Variants in LRRC63 observed in about 807,000 individuals in gnomAD.
LRRC63 encodes leucine rich repeat containing 63, also known as leucine-rich repeat-containing protein 63.
In LRRC63, 40 loss-of-function variants were observed where a neutral mutation model predicts 49.5. That is an observed-to-expected ratio of 0.81 (90% confidence interval 0.63 to 1.05). The LOEUF is 1.05. Ranked by LOEUF, LRRC63 falls within the 50% of genes least tolerant of loss-of-function variation. The pLI, the probability that LRRC63 is intolerant of heterozygous loss-of-function variation, is 0.00. For synonymous variants in LRRC63, 191 were observed against 221.1 expected (o/e 0.86, Z 1.21); for missense variants, 636 against 663.1 (o/e 0.96, Z 0.45).
At chr13:46,214,437 C>T (rs1446167305) in intron 2 of LRRC63, among the ~76,000 whole-genome samples, 1 of 152,078 alleles carries the variant, frequency 6.6e-6, no homozygotes. Flanking sequence ...ATTTACAGCT[C>T]AAGGTTACCA....
intron 7 of LRRC63, among the ~76,000 whole-genome samples, chr13:46,251,745 A>G (rs547112496): frequency 2.6e-4 from 39 of 152,028 alleles, no homozygotes; most frequent in Admixed American, 9.8e-4. Flanking sequence ...ATATATGTAT[A>G]AATATATATG....
chr13:46,265,737 T>C (rs2047676272), intron 8 of LRRC63, among the ~76,000 whole-genome samples: 1 of 152,156 alleles, frequency 6.6e-6, no homozygotes, highest in African/African-American at 2.4e-5. Flanking sequence ...CCTAGGCTTG[T>C]GATTTGCGCA....
At chr13:46,223,765 A>G (rs2046485578) in intron 2 of LRRC63, among the ~76,000 whole-genome samples, 1 of 152,282 alleles carries the variant, frequency 6.6e-6, no homozygotes, top group Non-Finnish European at 1.5e-5. Context: ...CTGAGGCAGG[A>G]GAATCGCTTG....
intron 7 of LRRC63, among the ~76,000 whole-genome samples, chr13:46,259,774 A>G (rs1007930522): frequency 3.3e-5 from 5 of 152,162 alleles, no homozygotes; most frequent in African/African-American, 4.8e-5. Flanking sequence ...AAACAATCCT[A>G]CACTGGTATG....
chr13:46,266,942 T>G, exon 9 of LRRC63: 1 of 1,545,312 alleles, frequency 6.5e-7, no homozygotes, highest in South Asian at 1.2e-5. Context: ...TATGATAAGA[T>G]CCCAGTAGAA....
At chr13:46,237,448 T>G (rs751227329) in intron 5 of LRRC63, among the ~76,000 whole-genome samples, 1 of 152,132 alleles carries the variant, frequency 6.6e-6, no homozygotes, top group Non-Finnish European at 1.5e-5. Flanking sequence ...AAGTTGTTAA[T>G]GTTGGGGGAA....
chr13:46,259,421 G>A (rs9595451), intron 7 of LRRC63, among the ~76,000 whole-genome samples: 2,155 of 152,230 alleles, frequency 0.014, 55 homozygotes, highest in African/African-American at 0.05. Flanking sequence ...TTTTCTCAGT[G>A]GATAGCAGGA....
intron 2 of LRRC63, among the ~76,000 whole-genome samples, chr13:46,222,992 A>G (rs1484991023): frequency 2.1e-5 from 3 of 145,448 alleles, no homozygotes; most frequent in Non-Finnish European, 4.5e-5. Flanking sequence ...GTTCTCACTC[A>G]TAGGTGGTAA....
chr13:46,222,380 T>C (rs560153304), intron 2 of LRRC63, among the ~76,000 whole-genome samples: 22 of 152,328 alleles, frequency 1.4e-4, no homozygotes, highest in African/African-American at 5.3e-4. Flanking sequence ...TCTTATAGTA[T>C]TTTTATAGTT....
At chr13:46,220,089 C>T (rs2046361631) in intron 2 of LRRC63, among the ~76,000 whole-genome samples, 1 of 152,180 alleles carries the variant, frequency 6.6e-6, no homozygotes, top group Admixed American at 6.5e-5. Flanking sequence ...GGTCAGGGAC[C>T]CACTTGAGGA....
chr13:46,271,433 G>A (rs259729), intron 9 of LRRC63, among the ~76,000 whole-genome samples: 149,126 of 152,314 alleles, frequency 0.98, 73,027 homozygotes, highest in Middle Eastern at 1. Context: ...AGTGCAGATT[G>A]TATCTTCTGC....
At chr13:46,249,476 T>G (rs759854405) in intron 6 of LRRC63, among the ~76,000 whole-genome samples, 12 of 151,740 alleles carry the variant, frequency 7.9e-5, no homozygotes, top group Non-Finnish European at 5.9e-5. Flanking sequence ...TTAAAAAGAT[T>G]TAAAGAAAAT....
chr13:46,269,836 ATATATC>A (rs1337590184), intron 9 of LRRC63, among the ~76,000 whole-genome samples: 1 of 147,926 alleles, frequency 6.8e-6, no homozygotes, highest in African/African-American at 2.5e-5. Flanking sequence ...TATATATACT[ATATATC>A]TATATATCTA....
chr13:46,273,895 G>C (rs2047794871), intron 9 of LRRC63, among the ~76,000 whole-genome samples: 1 of 140,530 alleles, frequency 7.1e-6, no homozygotes, highest in Non-Finnish European at 1.5e-5. Flanking sequence ...CTGGGTGACA[G>C]AGCAAGACTC....
At chr13:46,237,051 A>G (rs1460956454) in intron 5 of LRRC63, among the ~76,000 whole-genome samples, 1 of 152,192 alleles carries the variant, frequency 6.6e-6, no homozygotes, top group Non-Finnish European at 1.5e-5. Context: ...ATATTAAAAC[A>G]TACACAAAAG....
intron 2 of LRRC63, among the ~76,000 whole-genome samples, chr13:46,216,568 G>C (rs1230321314): frequency 1.3e-5 from 2 of 152,116 alleles, no homozygotes; most frequent in African/African-American, 4.8e-5. Context: ...TGCAAACAGA[G>C]ACAATTTGAC....
At chr13:46,222,260 G>A (rs1016411331) in intron 2 of LRRC63, among the ~76,000 whole-genome samples, 9 of 151,886 alleles carry the variant, frequency 5.9e-5, no homozygotes, top group African/African-American at 2.2e-4. Context: ...TATTCTAGAT[G>A]TTAGTACCTT....
intron 2 of LRRC63, among the ~76,000 whole-genome samples, chr13:46,218,970 C>T (rs996009264): frequency 1.6e-4 from 24 of 152,172 alleles, no homozygotes; most frequent in African/African-American, 5.1e-4. Context: ...CAGAGAGATC[C>T]GCTGTTAGTC....
intron 2 of LRRC63, 120 bp from the exon 3 acceptor site, chr13:46,227,391 CA>C: frequency 1.5e-6 from 1 of 681,638 alleles, no homozygotes; most frequent in Non-Finnish European, 2.3e-6. Context: ...CAAGTGTATA[CA>C]GAAACATTTT....
Sources: gnomAD v4.1 joint callset for allele counts (sites outside exome capture counted in the v4.1 genomes callset) on GRCh38, gnomAD v4.1.1 for gene constraint, MANE v1.5 for transcripts, NCBI Gene and HGNC (gene_info 2026-07-23, HGNC 2026-07-21) for gene names.